VPS35L: variants seen among roughly 807,000 people sequenced by gnomAD.
The protein encoded by VPS35L is VPS35 endosomal protein-sorting factor-like.
In VPS35L, 83 loss-of-function variants were observed where a neutral mutation model predicts 133.0. That is an observed-to-expected ratio of 0.62 (90% CI 0.52 to 0.75). The LOEUF is 0.75. Among genes scored for constraint, VPS35L ranks in the 30% least tolerant of loss-of-function variants. The pLI, the probability that VPS35L is intolerant of heterozygous loss-of-function variation, is 0.00. For missense variants in VPS35L, 1,083 were observed against 1,206.8 expected (o/e 0.90, Z 1.52); for synonymous variants, 423 against 449.9 (o/e 0.94, Z 0.76).
intron 7 of VPS35L, among the ~76,000 whole-genome samples, chr16:19,587,559 A>G (rs1045170245): frequency 9.2e-5 from 14 of 151,456 alleles, no homozygotes; most frequent in Admixed American, 6.6e-5. Flanking sequence ...ACTTGAACCC[A>G]GGAGGCGGAG....
intron 29 of VPS35L, among the ~76,000 whole-genome samples, chr16:19,693,334 AAGAT>A (rs1478520325): frequency 6.6e-6 from 1 of 152,102 alleles, no homozygotes; most frequent in Admixed American, 6.6e-5. Flanking sequence ...AATGGGTACA[AAGAT>A]AGATACAGTT....
intron 28 of VPS35L, among the ~76,000 whole-genome samples, chr16:19,685,996 T>C (rs183591516): frequency 9.2e-4 from 140 of 152,286 alleles, no homozygotes; most frequent in African/African-American, 2.9e-3. Context: ...TAGAGCCAGA[T>C]TGGCAGCAGA....
chr16:19,694,204 A>G (rs1370782378), intron 29 of VPS35L: 1 of 152,218 alleles, frequency 6.6e-6, no homozygotes, highest in Non-Finnish European at 1.5e-5. Context: ...CCTCATAAAT[A>G]CACACAAATA....
At chr16:19,589,490 C>T (rs1232425579) in intron 7 of VPS35L, among the ~76,000 whole-genome samples, 1 of 152,148 alleles carries the variant, frequency 6.6e-6, no homozygotes, top group East Asian at 1.9e-4. Flanking sequence ...GGCGATCTTC[C>T]TGCCTCAGCC....
chr16:19,555,893 G>C, intron 1 of VPS35L, 147 bp downstream of exon 1: 1 of 1,203,270 alleles, frequency 8.3e-7, no homozygotes. Context: ...TAGAATCCCT[G>C]GCCGCTACCG....
intron 22 of VPS35L, among the ~76,000 whole-genome samples, chr16:19,643,024 T>C (rs1339749306): frequency 6.6e-6 from 1 of 152,198 alleles, no homozygotes; most frequent in Admixed American, 6.5e-5. Context: ...CCCCCAAGAA[T>C]TTTTAAACAC....
intron 26 of VPS35L, among the ~76,000 whole-genome samples, chr16:19,666,599 C>T (rs550326091): frequency 3.9e-5 from 6 of 152,090 alleles, no homozygotes; most frequent in South Asian, 2.1e-4. Context: ...GGAAACTGGG[C>T]GGGGTGGGTG....
At chr16:19,578,502 C>A in intron 5 of VPS35L, 1 of 358,134 alleles carries the variant, frequency 2.8e-6, no homozygotes, top group Non-Finnish European at 5.4e-6. Context: ...GGCCTGGGGG[C>A]CCTTCCTTCA....
chr16:19,577,160 G>A (rs1463889374), intron 5 of VPS35L, among the ~76,000 whole-genome samples: 1 of 152,174 alleles, frequency 6.6e-6, no homozygotes, highest in African/African-American at 2.4e-5. Context: ...AGGAAGAGAG[G>A]TTTACTTGAC....
intron 27 of VPS35L, among the ~76,000 whole-genome samples, chr16:19,674,184 C>CTTTTTCTTTTT (rs1555507022): frequency 4.2e-5 from 3 of 70,906 alleles, no homozygotes; most frequent in African/African-American, 1.9e-4. Context: ...TTTTCTTTTT[C>CTTTTTCTTTTT]TTTTTTTTTT....
intron 28 of VPS35L, among the ~76,000 whole-genome samples, chr16:19,686,103 G>T (rs531864378): frequency 6.6e-6 from 1 of 152,298 alleles, no homozygotes; most frequent in Non-Finnish European, 1.5e-5. Context: ...TCTTAGTCCA[G>T]CTGTGTTTAC....
intron 27 of VPS35L, among the ~76,000 whole-genome samples, chr16:19,680,201 T>G (rs1045239581): frequency 6.6e-6 from 1 of 152,170 alleles, no homozygotes; most frequent in South Asian, 2.1e-4. Context: ...CGTCGTAGTA[T>G]CACCCTGGAA....
chr16:19,630,464 G>T (rs1273683629), intron 18 of VPS35L, among the ~76,000 whole-genome samples: 1 of 151,470 alleles, frequency 6.6e-6, no homozygotes, highest in Admixed American at 6.6e-5. Context: ...CTCCCGAGTA[G>T]CTGGGACTAC....
intron 28 of VPS35L, among the ~76,000 whole-genome samples, chr16:19,689,030 G>A (rs1037512723): frequency 2.3e-4 from 34 of 150,606 alleles, no homozygotes; most frequent in Non-Finnish European, 4.4e-4. Context: ...CCCCTTACCC[G>A]GTGTCTCTTC....
At chr16:19,683,146 C>T (rs761115476) in intron 28 of VPS35L, among the ~76,000 whole-genome samples, 18 of 152,136 alleles carry the variant, frequency 1.2e-4, no homozygotes, top group African/African-American at 1.9e-4. Context: ...TGGTCTCAAA[C>T]GCCTGGGCTC....
At chr16:19,612,434 A>G (rs1245968483) in intron 12 of VPS35L, among the ~76,000 whole-genome samples, 1 of 151,918 alleles carries the variant, frequency 6.6e-6, no homozygotes, top group Non-Finnish European at 1.5e-5. Context: ...TTGTATTTTT[A>G]GTAGTGACAG....
intron 1 of VPS35L, among the ~76,000 whole-genome samples, 180 bp from the exon 2 acceptor site, chr16:19,564,671 T>A (rs1210380878): frequency 6.6e-6 from 1 of 152,218 alleles, no homozygotes; most frequent in Admixed American, 6.5e-5. Context: ...ATTGCTGGGA[T>A]TACAGATGTG....
At chr16:19,562,648 T>C (rs1971062690) in intron 1 of VPS35L, among the ~76,000 whole-genome samples, 1 of 152,204 alleles carries the variant, frequency 6.6e-6, no homozygotes, top group Non-Finnish European at 1.5e-5. Context: ...AACCATAACC[T>C]ATGAAATTAA....
Position 19,608,280 on chromosome 16 carries a change from C to A in VPS35L, c.881+6C>A. ...AGGGAACTCATTCCAAGATTGTATC[C>A]TTTTTTTTTTTTTTGGTCTGATGAT... On this transcript the variant is annotated splice_donor_region_variant and intron_variant, in intron 10 of 30. Coordinates refer to ENST00000417362, the MANE Select transcript of VPS35L (RefSeq NM_020314.7). 1 of 1,386,676 alleles carries A rather than the reference C, an allele frequency of 7.2e-7. No individual in the cohort carries two copies. The allele number at this position is 1,386,676 out of a possible 1,614,324, so 85.9% of individuals were successfully genotyped here.
Sources: allele counts gnomAD v4.1 joint callset (sites outside exome capture counted in the v4.1 genomes callset), GRCh38; gene constraint gnomAD v4.1.1; transcripts MANE v1.5; gene names NCBI Gene and HGNC (gene_info 2026-07-23, HGNC 2026-07-21).